The following CMPK2 variants were observed in gnomAD, a reference collection of about 807,000 sequenced individuals.
CMPK2 encodes the protein cytidine/uridine monophosphate kinase 2.
Under a neutral mutation model 33.4 loss-of-function variants are expected in CMPK2, and 32 were observed. The observed-to-expected ratio is 0.96, with a 90% confidence interval of 0.72 to 1.29. The LOEUF (loss-of-function observed/expected upper bound fraction) is 1.29, where lower values mean the gene tolerates loss of function less well. Ranked by LOEUF, CMPK2 falls within the 50% of genes most tolerant of loss-of-function variation. The pLI is 0.00. For synonymous variants in CMPK2, 299 were observed against 275.3 expected, an observed-to-expected ratio of 1.09 and a Z score of -0.85; for missense variants, 672 against 616.0, an observed-to-expected ratio of 1.09 and a Z score of -0.96.
intron 1 of CMPK2, 84 bp downstream of exon 1, chr2:6,864,938 C>T (rs2595172): frequency 0.99 from 1,325,047 of 1,341,122 alleles, 655,862 homozygotes; most frequent in East Asian, 1. Context: ...AGAACCGGCT[C>T]TACAGACCAG....
chr2:6,865,371 CGCTGGAAGGGGCCGCGGCGCA>C lies in CMPK2; in HGVS notation c.305_325del (p.Leu102_Gln108del), dbSNP rs1022222119. ...GCAGAGCAGCCTGAGCAGCTGGCACCGCTGGAAGGGGCCGCGGCGCAGCTGGTGCAGCAGGCGCTGGTGCAG... is the reference window on the plus strand; with the variant it reads ...GCAGAGCAGCCTGAGCAGCTGGCACCGCTGGTGCAGCAGGCGCTGGTGCAG... On this transcript the variant is annotated inframe_deletion, in exon 1 of 5. Coordinates refer to ENST00000256722, the MANE Select transcript of CMPK2 (RefSeq NM_207315.4). 8.4e-5 allele frequency: 117 copies of C among 1,399,624 alleles called. No homozygotes were observed. The highest frequency in any genetic ancestry group is 1.0e-4 in the Non-Finnish European group (114 of 1,086,274). The allele number at this position is 1,399,624 out of a possible 1,614,324, so 86.7% of individuals were successfully genotyped here.
intron 3 of CMPK2, among the ~76,000 whole-genome samples, chr2:6,855,699 T>C (rs995993793): frequency 6.6e-6 from 1 of 152,180 alleles, no homozygotes; most frequent in East Asian, 1.9e-4. Flanking sequence ...TTGCCATCCC[T>C]ATTGTCATCC....
intron 3 of CMPK2, among the ~76,000 whole-genome samples, chr2:6,841,671 T>C (rs149409712): frequency 2.5e-4 from 38 of 151,088 alleles, no homozygotes; most frequent in East Asian, 1.6e-3. Flanking sequence ...ATTTCCCTTA[T>C]GGAGCCCTCC....
In CMPK2 at chr2:6,865,548, T is replaced by G; in HGVS notation, c.149A>C (p.Asp50Ala). 1.5e-6 allele frequency: 2 copies of G among 1,309,598 alleles called. No individual in the cohort carries two copies. The highest frequency in any genetic ancestry group is 1.9e-6 in the Non-Finnish European group (2 of 1,034,006). 81.1% of individuals were successfully genotyped at this position (1,309,598 alleles called of 1,614,324 possible). ...GGGGGCGTCTGCGTCGCCGGGGGCG[T>G]CGGCGCCTAGGGCGAAGTGAGCCAG... is the stretch of plus-strand genomic sequence containing the variant. Reference protein sequence around the residue: ...CTLAHFALGADAPGDADAPDP... With the variant: ...CTLAHFALGAAAPGDADAPDP... Residue 50 changes from aspartate to alanine, a missense_variant, in exon 1 of 5, where the codon GAC becomes GCC. Asp to Ala is a moderately radical substitution (Grantham distance 126). Transcript: ENST00000256722.
rs1241465807 is a variant in CMPK2 at position 6,861,305 on chromosome 2, A to G, written c.871T>C (p.Trp291Arg). The change falls in exon 3 of 5, where the codon TGG becomes CGG. Residue 291 changes from tryptophan (W) to arginine (R), a missense_variant. By Grantham distance (101) the Trp-to-Arg change is moderately radical (BLOSUM62 -3). Transcript: ENST00000256722. Reference sequence around the variant, plus strand: ...GGTTCATCATCAAAGATCTTCCTCCACTGGCCAATGCAAGAGGGTGGTGAC... The same window carrying G: ...GGTTCATCATCAAAGATCTTCCTCCGCTGGCCAATGCAAGAGGGTGGTGAC... The part of the protein sequence containing the change: ...LKSPPSCIGQ[W>R]RKIFDDEPTI... 4 of 1,614,018 alleles carry G rather than the reference A, an allele frequency of 2.5e-6. No individual in the cohort carries two copies.
At chr2:6,855,552 T>A (rs771734932) in intron 3 of CMPK2, among the ~76,000 whole-genome samples, 6 of 152,188 alleles carry the variant, frequency 3.9e-5, no homozygotes, top group Non-Finnish European at 8.8e-5. Context: ...TATGATAACA[T>A]CGGGCATGTT....
chr2:6,849,536 G>A lies in CMPK2; in HGVS notation c.*314C>T. 1.8e-6 allele frequency: 2 copies of A among 1,110,002 alleles called. No homozygotes were observed. Among genetic ancestry groups the A allele is most frequent in the South Asian group, 4.8e-5 (2 of 41,744 alleles). 68.8% of individuals were successfully genotyped at this position (1,110,002 alleles called of 1,614,324 possible). On this transcript the variant is annotated 3_prime_UTR_variant, in exon 5 of 5. Coordinates refer to ENST00000256722, the MANE Select transcript of CMPK2 (RefSeq NM_207315.4). The stretch of plus-strand genomic sequence containing the variant: ...TGCTTCTGTACACCTGGTGCTGTCT[G>A]AGTAAGACAGGTCTTCCAGATATTT...
At chr2:6,854,840 A>G (rs775481602) in intron 3 of CMPK2, among the ~76,000 whole-genome samples, 3 of 152,088 alleles carry the variant, frequency 2.0e-5, no homozygotes, top group Non-Finnish European at 2.9e-5. Flanking sequence ...GACAGTAGGC[A>G]GGGAAGGGGG....
At chr2:6,855,387 C>T (rs1323563402) in intron 3 of CMPK2, among the ~76,000 whole-genome samples, 3 of 151,582 alleles carry the variant, frequency 2.0e-5, no homozygotes, top group Non-Finnish European at 4.4e-5. Flanking sequence ...TCTTCAATTT[C>T]CACCATGATT....
At chr2:6,846,485 A>C (rs1662365364), downstream of CMPK2, among the ~76,000 whole-genome samples, 1 of 152,254 alleles carries the variant, frequency 6.6e-6, no homozygotes, top group African/African-American at 2.4e-5. Context: ...CTTGATTATT[A>C]AGATACCAAC....
chr2:6,842,593 G>T (rs907351116), intron 3 of CMPK2, among the ~76,000 whole-genome samples: 1 of 152,324 alleles, frequency 6.6e-6, no homozygotes, highest in East Asian at 1.9e-4. Context: ...TTTCTGAGAT[G>T]TGCAGATTAA....
chr2:6,865,469 G>T lies in CMPK2; in HGVS notation c.228C>A (p.Cys76Ter). The change falls in exon 1 of 5, where the codon TGC becomes TGA. Residue 76 changes from cysteine to a stop codon, truncating the protein, a stop_gained. Coordinates refer to ENST00000256722, the MANE Select transcript of CMPK2 (RefSeq NM_207315.4). LOFTEE classifies it high-confidence loss of function. ...LGPPERSYSL[C>*]VPVTPDAGCG... is the part of the protein sequence containing the mutation. The stretch of plus-strand genomic sequence containing the variant: ...AGCCGGCGTCCGGGGTCACGGGCAC[G>T]CACAGCGAGTAGCTGCGCTCCGGGG... The T allele has an allele frequency of 7.8e-7, 1 of 1,276,692 alleles. No individual in the cohort carries two copies. The highest frequency in any genetic ancestry group is 9.8e-7 in the Non-Finnish European group (1 of 1,016,746). 79.1% of individuals were successfully genotyped at this position (1,276,692 alleles called of 1,614,324 possible).
chr2:6,847,912 A>C (rs958801010), downstream of CMPK2, among the ~76,000 whole-genome samples: 4 of 152,284 alleles, frequency 2.6e-5, no homozygotes, highest in East Asian at 3.9e-4. Context: ...AGGAAGAATA[A>C]ATTTTGGGGT....
At chr2:6,861,113 C>CACAG in intron 3 of CMPK2, 71 bp downstream of exon 3, 1 of 1,288,218 alleles carries the variant, frequency 7.8e-7, no homozygotes, top group African/African-American at 1.5e-5. Flanking sequence ...CGCACACACA[C>CACAG]ACACACACAC....
chr2:6,866,043 A>G (rs1184681433), upstream of CMPK2: 2 of 350,204 alleles, frequency 5.7e-6, no homozygotes, highest in Non-Finnish European at 4.9e-6. Context: ...CGTCGGCCCC[A>G]AGGTAGCTCC....
chr2:6,851,183 T>C, intron 4 of CMPK2: 5 of 1,278,530 alleles, frequency 3.9e-6, no homozygotes, highest in Non-Finnish European at 5.0e-6. Flanking sequence ...ACTTACTGTC[T>C]TACCCAGGTG....
At chr2:6,850,706 A>T in intron 4 of CMPK2, 1 of 965,740 alleles carries the variant, frequency 1.0e-6, no homozygotes, top group Non-Finnish European at 1.2e-6. Flanking sequence ...ATTGCTTAAC[A>T]TAATATCTTT....
In CMPK2 at chr2:6,865,070, A is replaced by G; in HGVS notation, c.627T>C (p.Ser209=). Residue 209 remains serine, a synonymous_variant, in exon 1 of 5, where the codon AGT becomes AGC. Transcript: ENST00000256722. Reference sequence around the variant, plus strand: ...CTTCCCGGTCCGGGAAGACCACGGAACTGGGCAAGTCTGGCACCACCGGGT... The same window carrying G: ...CTTCCCGGTCCGGGAAGACCACGGAGCTGGGCAAGTCTGGCACCACCGGGT... The part of the protein sequence containing the change: ...PLHPVVPDLP[S]SVVFPDREAA... 1 of 1,466,260 alleles carries G rather than the reference A, an allele frequency of 6.8e-7. No individual in the cohort carries two copies. The highest frequency in any genetic ancestry group is 2.8e-5 in the East Asian group (1 of 35,904). 90.8% of individuals were successfully genotyped at this position (1,466,260 alleles called of 1,614,324 possible).
intron 4 of CMPK2, 186 bp downstream of exon 4, chr2:6,851,264 T>C: frequency 1.4e-6 from 2 of 1,424,040 alleles, no homozygotes; most frequent in Non-Finnish European, 1.8e-6. Context: ...TGCTTTAAGA[T>C]AACAATGCTG....
Sources: gnomAD v4.1 joint callset for allele counts (sites outside exome capture counted in the v4.1 genomes callset) on GRCh38, gnomAD v4.1.1 for gene constraint, MANE v1.5 for transcripts, NCBI Gene and HGNC (gene_info 2026-07-23, HGNC 2026-07-21) for gene names.